FRMD8: variants seen among roughly 807,000 people sequenced by gnomAD.
FRMD8 encodes FERM domain containing 8.
In FRMD8, 37 loss-of-function variants were observed where a neutral mutation model predicts 54.2. The ratio of observed to expected loss-of-function variants is 0.68; its 90% CI spans 0.53 to 0.90. The LOEUF (loss-of-function observed/expected upper bound fraction) is 0.90, where lower values mean the gene tolerates loss of function less well. FRMD8 is among the 40% of genes least tolerant of loss of function. FRMD8 has a pLI of 0.00. For synonymous variants in FRMD8, 246 were observed against 286.9 expected (o/e 0.86, Z 1.44); for missense variants, 585 against 653.7 (o/e 0.89, Z 1.15).
At chr11:65,409,977 A>G (rs1856292764) in intron 10 of FRMD8, among the ~76,000 whole-genome samples, 1 of 150,910 alleles carries the variant, frequency 6.6e-6, no homozygotes, top group Admixed American at 6.6e-5. Flanking sequence ...GGGATGCTGA[A>G]GTGGGAGGAT....
chr11:65,380,190 G>A, the FRMD8 span: 1 of 1,614,174 alleles, frequency 6.2e-7, no homozygotes, highest in Non-Finnish European at 8.5e-7. Context: ...GGTGACAAGA[G>A]GGTGCTATGA....
chr11:65,404,843 A>C lies in FRMD8; in HGVS notation c.1072-21A>C, dbSNP rs774203015. ...TGGAAGGGGGCCCTGGCCAGGCCTC[A>C]CACTGCCCCCTCCTCCCCAGGCCGA... is the stretch of plus-strand genomic sequence containing the variant. On this transcript the variant is annotated intron_variant, in intron 9 of 10. Coordinates refer to ENST00000317568, the MANE Select transcript of FRMD8 (RefSeq NM_031904.5). The surrounding 1 kb of genome is among the most constrained non-coding windows in gnomAD (Gnocchi z 4.7). 5.0e-6 allele frequency: 8 copies of C among 1,600,574 alleles called. No homozygotes were observed. The South Asian group carries it at 7.7e-5, about 15-fold the overall frequency.
Position 65,400,982 on chromosome 11 carries a change from T to A in FRMD8, c.1071+115T>A. 8.1e-7 allele frequency: 1 copy of A among 1,238,162 alleles called. No individual in the cohort carries two copies. Among genetic ancestry groups the A allele is most frequent in the Non-Finnish European group, 1.1e-6 (1 of 909,666 alleles). The allele number at this position is 1,238,162 out of a possible 1,614,324, so 76.7% of individuals were successfully genotyped here. ...AGGAGGTGAGAAGCTGCCTTGGGCC[T>A]GAGGATGAAAGCGGCCTGGGCACAA... On this transcript the variant is annotated intron_variant, in intron 9 of 10. Transcript: ENST00000317568. The surrounding 1 kb of genome is among the most constrained non-coding windows in gnomAD (Gnocchi z 4.3).
In FRMD8 at chr11:65,400,719, G is replaced by A. The variant is rs1386533871; in HGVS notation, c.928-5G>A. On this transcript the variant is annotated splice_region_variant and splice_polypyrimidine_tract_variant and intron_variant, in intron 8 of 10. Coordinates refer to ENST00000317568, the MANE Select transcript of FRMD8 (RefSeq NM_031904.5). The surrounding 1 kb of genome is among the most constrained non-coding windows in gnomAD (Gnocchi z 4.3). ...AAGCCTGGCTCTGTGTCTCCTGCTG[G>A]CCAGCATGTCCTGCTGGGCCTGCGC... The A allele has an allele frequency of 6.3e-7, 1 of 1,578,268 alleles. No homozygotes were observed. Among genetic ancestry groups the A allele is most frequent in the South Asian group, 1.2e-5 (1 of 85,396 alleles).
chr11:65,402,261 C>T (rs1018221185), intron 9 of FRMD8, among the ~76,000 whole-genome samples: 1 of 151,382 alleles, frequency 6.6e-6, no homozygotes, highest in African/African-American at 2.4e-5. Flanking sequence ...GACTGAGGCA[C>T]GAGAATCACT....
chr11:65,393,928 C>T (rs540814402), intron 4 of FRMD8, 113 bp from the exon 5 acceptor site: 34 of 1,156,358 alleles, frequency 2.9e-5, no homozygotes, highest in Middle Eastern at 4.0e-4. Context: ...CACGGCCCTC[C>T]GGTTTTCTCA....
chr11:65,409,618 T>A (rs1180150247), intron 10 of FRMD8, among the ~76,000 whole-genome samples: 1 of 151,958 alleles, frequency 6.6e-6, no homozygotes, highest in Non-Finnish European at 1.5e-5. Context: ...TTTAAAAGAT[T>A]AGCAGGGCAT....
chr11:65,391,994 C>T (rs1353883712), intron 3 of FRMD8, among the ~76,000 whole-genome samples: 1 of 152,210 alleles, frequency 6.6e-6, no homozygotes, highest in African/African-American at 2.4e-5. Context: ...ACAGAGAGAG[C>T]ATGAGGACCC....
chr11:65,384,165 G>T (rs1485087716), upstream of FRMD8, among the ~76,000 whole-genome samples: 1 of 152,038 alleles, frequency 6.6e-6, no homozygotes, highest in Non-Finnish European at 1.5e-5. Flanking sequence ...CCTAAGCATG[G>T]CGTCATCTTG....
intron 10 of FRMD8, among the ~76,000 whole-genome samples, chr11:65,410,003 G>A (rs946240765): frequency 6.6e-6 from 1 of 151,904 alleles, no homozygotes; most frequent in Non-Finnish European, 1.5e-5. Flanking sequence ...AGGCTTAGGA[G>A]GTAAGGCTGC....
intron 10 of FRMD8, among the ~76,000 whole-genome samples, chr11:65,407,016 A>C (rs1183425694): frequency 6.6e-6 from 1 of 152,116 alleles, no homozygotes; most frequent in Admixed American, 6.6e-5. Flanking sequence ...GGAAGAGAGG[A>C]CATTTGTGGA....
chr11:65,376,332 T>A, the FRMD8 span: 2 of 1,544,010 alleles, frequency 1.3e-6, no homozygotes, highest in Non-Finnish European at 1.8e-6. Flanking sequence ...TTGCAAGCTT[T>A]CAACCTGGCC....
chr11:65,397,657 C>T (rs766621300), intron 7 of FRMD8, among the ~76,000 whole-genome samples: 23 of 152,194 alleles, frequency 1.5e-4, no homozygotes, highest in Non-Finnish European at 1.3e-4. Flanking sequence ...TGGCGTTGTC[C>T]TCCGCTGAGC....
At chr11:65,380,719 G>C in the FRMD8 span, 1 of 717,878 alleles carries the variant, frequency 1.4e-6, no homozygotes, top group Admixed American at 3.0e-5. Context: ...CTCCACAGCA[G>C]AGGCTGGTTC....
Position 65,396,951 on chromosome 11 carries a change from G to T in FRMD8, c.734G>T (p.Gly245Val). 1 of 1,523,186 alleles carries T rather than the reference G, an allele frequency of 6.6e-7. No individual in the cohort carries two copies. The highest frequency in any genetic ancestry group is 8.8e-7 in the Non-Finnish European group (1 of 1,133,118). The allele number at this position is 1,523,186 out of a possible 1,614,324, so 94.4% of individuals were successfully genotyped here. The stretch of plus-strand genomic sequence containing the variant: ...GTGCAGGAGGTCAGCAGCGACGGCG[G>T]GTGCGAGGCCGCCCTGGGCACCCAC... Reference protein sequence around the residue: ...RQVQEVSSDGGCEAALGTHYR... With the variant: ...RQVQEVSSDGVCEAALGTHYR... The change falls in exon 7 of 11, where the codon GGG (glycine) becomes GTG (valine). Residue 245 changes from glycine (G) to valine (V), a missense_variant. Coordinates refer to ENST00000317568, the MANE Select transcript of FRMD8 (RefSeq NM_031904.5).
At chr11:65,372,643 T>C in the FRMD8 span, among the ~76,000 whole-genome samples, 1 of 152,134 alleles carries the variant, frequency 6.6e-6, no homozygotes, top group African/African-American at 2.4e-5. Context: ...GAGCAGAGGT[T>C]TAATAGGCAA....
chr11:65,405,438 A>G (rs1323450099), intron 10 of FRMD8, among the ~76,000 whole-genome samples: 2 of 152,142 alleles, frequency 1.3e-5, no homozygotes, highest in African/African-American at 2.4e-5. Context: ...GCTGGCCAAC[A>G]TGGTGAAACC....
intron 10 of FRMD8, among the ~76,000 whole-genome samples, chr11:65,406,344 A>G (rs558285334): frequency 9.9e-4 from 150 of 151,706 alleles, no homozygotes; most frequent in Non-Finnish European, 1.9e-3. Flanking sequence ...ACAGGCGCCC[A>G]CCACCACGCC....
intron 3 of FRMD8, among the ~76,000 whole-genome samples, chr11:65,389,847 G>A (rs958075446): frequency 6.6e-6 from 1 of 152,318 alleles, no homozygotes; most frequent in Admixed American, 6.5e-5. Flanking sequence ...TGTCTGCCGA[G>A]CATAACCTTT....
Sources: gnomAD v4.1 joint callset for allele counts (sites outside exome capture counted in the v4.1 genomes callset) on GRCh38, gnomAD v4.1.1 for gene constraint, Gnocchi (gnomAD v3.1) non-coding constraint, MANE v1.5 for transcripts, NCBI Gene and HGNC (gene_info 2026-07-23, HGNC 2026-07-21) for gene names.